Variants in MAST2 observed in about 807,000 individuals in gnomAD.
The protein encoded by MAST2 is microtubule-associated serine/threonine-protein kinase 2.
Under a neutral mutation model 147.4 loss-of-function variants are expected in MAST2, and 70 were observed. The observed-to-expected ratio is 0.47, with a 90% CI of 0.39 to 0.58. The LOEUF (loss-of-function observed/expected upper bound fraction) is 0.58, where lower values mean the gene tolerates loss of function less well. Among genes scored for constraint, MAST2 ranks in the 20% least tolerant of loss-of-function variants. The pLI, the probability that MAST2 is intolerant of heterozygous loss-of-function variation, is 0.00. For missense variants in MAST2, 2,080 were observed against 2,302.3 expected, an observed-to-expected ratio of 0.90 and a Z score of 1.98; for synonymous variants, 869 against 896.8, an observed-to-expected ratio of 0.97 and a Z score of 0.55.
chr1:45,916,794 C>T (rs537961977), intron 4 of MAST2, among the ~76,000 whole-genome samples: 2 of 152,278 alleles, frequency 1.3e-5, no homozygotes, highest in East Asian at 3.9e-4. Context: ...CTAAATACTT[C>T]AGGCTGGGCA....
Position 45,864,764 on chromosome 1 carries a change from C to T in MAST2, c.469-17600C>T, listed in dbSNP as rs373685056. On this transcript the variant is annotated intron_variant, in intron 3 of 28. Transcript: ENST00000361297. ...TTAATAAGCAGCAAAGTCAGGATAT[C>T]AAAGATTGGAATTTTTCCCCCGGAA... Among the ~76,000 whole-genome samples, 8 of 152,262 alleles carry T rather than the reference C, an allele frequency of 5.3e-5. No homozygotes were observed. The South Asian group carries it at 1.7e-3, about 32-fold the overall frequency.
intron 4 of MAST2, among the ~76,000 whole-genome samples, chr1:45,887,418 G>C (rs1255390577): frequency 6.6e-6 from 1 of 152,184 alleles, no homozygotes; most frequent in East Asian, 1.9e-4. Flanking sequence ...TTGCTGGCTT[G>C]TAGTCTTTAG....
chr1:45,910,407 TG>T (rs1228472857), intron 4 of MAST2, among the ~76,000 whole-genome samples: 1 of 152,250 alleles, frequency 6.6e-6, no homozygotes, highest in Admixed American at 6.5e-5. Flanking sequence ...TAAAAATTTT[TG>T]TAAGTACATA....
At chr1:45,839,423 C>T (rs2147894305) in intron 3 of MAST2, among the ~76,000 whole-genome samples, 1 of 152,248 alleles carries the variant, frequency 6.6e-6, no homozygotes, top group Admixed American at 6.5e-5. Context: ...CCACCACGCC[C>T]AGCAACATCT....
At chr1:45,954,418 G>A (rs1330184063) in intron 4 of MAST2, among the ~76,000 whole-genome samples, 1 of 152,152 alleles carries the variant, frequency 6.6e-6, no homozygotes, top group African/African-American at 2.4e-5. Context: ...TCTTGCTGTT[G>A]ACTGAGATGA....
intron 3 of MAST2, among the ~76,000 whole-genome samples, chr1:45,864,179 A>G (rs1159895734): frequency 6.6e-6 from 1 of 152,196 alleles, no homozygotes; most frequent in East Asian, 1.9e-4. Flanking sequence ...CAAAGAAACA[A>G]TTCTTGAGAT....
chr1:45,825,270 C>G (rs1251689560), intron 2 of MAST2, among the ~76,000 whole-genome samples: 2 of 152,214 alleles, frequency 1.3e-5, no homozygotes, highest in Admixed American at 1.3e-4. Flanking sequence ...TGTGATCCGC[C>G]TGCCTCAGCC....
intron 3 of MAST2, among the ~76,000 whole-genome samples, chr1:45,881,409 T>A (rs1010849524): frequency 6.6e-6 from 1 of 152,220 alleles, no homozygotes; most frequent in Non-Finnish European, 1.5e-5. Flanking sequence ...TATATATAAT[T>A]TTAAAACATG....
intron 4 of MAST2, among the ~76,000 whole-genome samples, chr1:45,882,748 G>T (rs1646905215): frequency 6.6e-6 from 1 of 152,148 alleles, no homozygotes. Flanking sequence ...GAAACCCTTT[G>T]CATTTACATC....
chr1:45,947,948 C>A (rs947642215), intron 4 of MAST2, among the ~76,000 whole-genome samples: 1 of 152,194 alleles, frequency 6.6e-6, no homozygotes, highest in African/African-American at 2.4e-5. Flanking sequence ...GATTTGCTGA[C>A]CTCGTGATCC....
At chr1:45,913,016 C>T (rs1651914044) in intron 4 of MAST2, among the ~76,000 whole-genome samples, 2 of 152,176 alleles carry the variant, frequency 1.3e-5, no homozygotes, top group Non-Finnish European at 2.9e-5. Flanking sequence ...TCTTCTGCAA[C>T]TTACCTTAAA....
Position 46,023,698 on chromosome 1 carries a change from G to A in MAST2, c.1572-74G>A. 1 of 1,369,622 alleles carries A rather than the reference G, an allele frequency of 7.3e-7. No individual in the cohort carries two copies. 84.8% of individuals were successfully genotyped at this position (1,369,622 alleles called of 1,614,324 possible). On this transcript the variant is annotated intron_variant, in intron 14 of 28. Coordinates refer to ENST00000361297, the MANE Select transcript of MAST2 (RefSeq NM_015112.3). This position sits in a 1 kb window ranked among gnomAD's most constrained non-coding sequence, Gnocchi z 4.9. ...GTGCATTAATTAAGGTGTGAGAGAA[G>A]GCAGTTTGGGTGGCAGAGAGCACAG...
intron 3 of MAST2, among the ~76,000 whole-genome samples, chr1:45,831,866 G>A (rs539928179): frequency 6.7e-6 from 1 of 149,400 alleles, no homozygotes; most frequent in South Asian, 2.1e-4. Flanking sequence ...TGCAACCTCT[G>A]TCTCCTGGGT....
chr1:45,865,121 GAGA>G (rs1396034971), intron 3 of MAST2: 2 of 456,460 alleles, frequency 4.4e-6, no homozygotes, highest in South Asian at 3.1e-5. Context: ...CCAGTATTCT[GAGA>G]AGGAGAGGGT....
intron 6 of MAST2, chr1:46,000,945 T>C (rs1336912661): frequency 7.8e-7 from 1 of 1,288,868 alleles, no homozygotes; most frequent in Non-Finnish European, 1.0e-6. Flanking sequence ...ATAATGTGTA[T>C]TTTTTTACTA....
At chr1:45,899,921 C>T (rs1649458804) in intron 4 of MAST2, among the ~76,000 whole-genome samples, 1 of 151,648 alleles carries the variant, frequency 6.6e-6, no homozygotes, top group African/African-American at 2.4e-5. Context: ...AATCCCAGCA[C>T]TTTACTTTGG....
At chr1:45,919,132 C>CA (rs1186440441) in intron 4 of MAST2, among the ~76,000 whole-genome samples, 1 of 151,788 alleles carries the variant, frequency 6.6e-6, no homozygotes, top group Non-Finnish European at 1.5e-5. Flanking sequence ...CAAAAACTAA[C>CA]AAAAAAACAC....
At chr1:45,950,540 TG>T (rs2148858843) in intron 4 of MAST2, among the ~76,000 whole-genome samples, 1 of 152,238 alleles carries the variant, frequency 6.6e-6, no homozygotes, top group Non-Finnish European at 1.5e-5. Flanking sequence ...TAACTGAAAT[TG>T]GGGGTTGGAG....
chr1:45,811,466 G>A (rs1211141210), intron 1 of MAST2, among the ~76,000 whole-genome samples: 7 of 146,894 alleles, frequency 4.8e-5, no homozygotes, highest in South Asian at 2.2e-4. Flanking sequence ...AGCCTCTGGA[G>A]TAGCTGGGAC....
Sources: gnomAD v4.1 joint callset for allele counts (sites outside exome capture counted in the v4.1 genomes callset) on GRCh38, gnomAD v4.1.1 for gene constraint, Gnocchi (gnomAD v3.1) non-coding constraint, MANE v1.5 for transcripts, NCBI Gene and HGNC (gene_info 2026-07-23, HGNC 2026-07-21) for gene names.